CA2: variants seen among roughly 807,000 people sequenced by gnomAD.
CA2 encodes carbonate dehydratase II.
CA2 carries 23 observed loss-of-function variants against 27.8 expected under a neutral mutation model. That is an observed-to-expected ratio of 0.83 (90% CI 0.59 to 1.17). The LOEUF (loss-of-function observed/expected upper bound fraction) is 1.17, where lower values mean the gene tolerates loss of function less well. Among genes scored for constraint, CA2 ranks in the 50% most tolerant of loss-of-function variants. The pLI is 0.00. For missense variants in CA2, 300 were observed against 314.7 expected, an observed-to-expected ratio of 0.95 and a Z score of 0.35; for synonymous variants, 99 against 114.9, an observed-to-expected ratio of 0.86 and a Z score of 0.88.
At chr8:85,474,607 A>G (rs1811763245) in intron 4 of CA2, 191 bp downstream of exon 4, 3 of 619,942 alleles carry the variant, frequency 4.8e-6, no homozygotes. Context: ...AGACAATAGG[A>G]GAGGTACTTA....
chr8:85,480,987 T>C lies in CA2; in HGVS notation c.*198T>C. The C allele has an allele frequency of 1.7e-6, 1 of 596,002 alleles. No individual in the cohort carries two copies. Among genetic ancestry groups the C allele is most frequent in the Non-Finnish European group, 3.0e-6 (1 of 335,114 alleles). The allele number at this position is 596,002 out of a possible 1,614,324, so 36.9% of individuals were successfully genotyped here. A position where few individuals can be genotyped will look rare whatever the true frequency, so the allele number is the denominator to read the frequency against. ...TGCTTGACACAACTGCTGTGGCTGG[T>C]TGGTGCTTTGTTTATGGTAGTAGTT... On this transcript the variant is annotated 3_prime_UTR_variant, in exon 7 of 7. Transcript: ENST00000285379.
chr8:85,473,901 A>G (rs921273174), intron 3 of CA2, 90 bp downstream of exon 3: 1 of 833,764 alleles, frequency 1.2e-6, no homozygotes. Context: ...TGTAAATTCA[A>G]CTCACGCCCA....
intron 2 of CA2, among the ~76,000 whole-genome samples, chr8:85,466,010 CAG>C (rs1329505145): frequency 5.3e-5 from 8 of 151,774 alleles, no homozygotes; most frequent in African/African-American, 1.9e-4. Flanking sequence ...GATATCTACT[CAG>C]AAATTCATTT....
chr8:85,478,920 T>C (rs555897961), intron 6 of CA2, among the ~76,000 whole-genome samples: 24 of 152,320 alleles, frequency 1.6e-4, no homozygotes, highest in African/African-American at 5.1e-4. Flanking sequence ...ACCTCTTCCA[T>C]TGGCTTCCTA....
intron 3 of CA2, 67 bp from the exon 4 acceptor site, chr8:85,474,257 A>G: frequency 2.7e-6 from 3 of 1,109,534 alleles, no homozygotes; most frequent in South Asian, 1.2e-5. Flanking sequence ...GAAAAAGACC[A>G]TTGAATAAAA....
At position 85,480,263 on chromosome 8, in the gene CA2, T is replaced by C. The variant is rs1811867595; in HGVS notation, c.664-407T>C. Among the ~76,000 whole-genome samples the C allele has an allele frequency of 2.0e-5, 3 of 152,290 alleles. No homozygotes were observed. In the South Asian group the frequency reaches 6.2e-4, roughly 32 times the overall value. On this transcript the variant is annotated intron_variant, in intron 6 of 6. Coordinates refer to ENST00000285379, the MANE Select transcript of CA2 (RefSeq NM_000067.3). The stretch of plus-strand genomic sequence containing the variant: ...GTGGAATGTAATTTTTGTTTGTTTT[T>C]GTTTCTGTTTTTTGAGGCAGAGCCT...
Position 85,464,081 on chromosome 8 carries a change from C to T in CA2, c.-1C>T, listed in dbSNP as rs761725568. ...GCCCTGCCCCGACCGCCAGCGCGAC[C>T]ATGTCCCATCACTGGGGGTACGGCA... On this transcript the variant is annotated 5_prime_UTR_variant, in exon 1 of 7. Coordinates refer to ENST00000285379, the MANE Select transcript of CA2 (RefSeq NM_000067.3). 1 of 1,548,730 alleles carries T rather than the reference C, an allele frequency of 6.5e-7. No individual in the cohort carries two copies. The highest frequency in any genetic ancestry group is 8.7e-7 in the Non-Finnish European group (1 of 1,149,742).
rs552617760 is a variant in CA2 at position 85,475,462 on chromosome 8, T to A, written c.445-336T>A. On this transcript the variant is annotated intron_variant, in intron 4 of 6. Transcript: ENST00000285379. ...GAAAGCCAAAGAAGAAAATAATTTTTAAAAAGAAGGGAAGACCATAGTGTA... is the reference window on the plus strand; with the variant it reads ...GAAAGCCAAAGAAGAAAATAATTTTAAAAAAGAAGGGAAGACCATAGTGTA... Among the ~76,000 whole-genome samples the A allele has an allele frequency of 6.8e-4, 103 of 151,636 alleles. 1 individual carries two copies. The South Asian group carries it at 0.015, about 22-fold the overall frequency.
rs763576424 is a variant in CA2, at chr8:85,475,839, G to A, written c.486G>A (p.Val162=). 1 of 1,614,024 alleles carries A rather than the reference G, an allele frequency of 6.2e-7. No individual in the cohort carries two copies. Among genetic ancestry groups the A allele is most frequent in the South Asian group, 1.1e-5 (1 of 91,068 alleles). Residue 162 remains valine, a synonymous_variant, in exon 5 of 7, where the codon GTG becomes GTA. Coordinates refer to ENST00000285379, the MANE Select transcript of CA2 (RefSeq NM_000067.3). The part of the protein sequence containing the change: ...AKPGLQKVVD[V]LDSIKTKGKS... ...CGGGCCTTCAGAAAGTTGTTGATGT[G>A]CTGGATTCCATTAAAACAAAGGTAA... is the stretch of plus-strand genomic sequence containing the variant.
rs528687579 is a variant in CA2, at chr8:85,467,001, T to C, written c.232+1532T>C. ...AAAAGAAGTGAGCTACTTTAGTCTG[T>C]AGCTGTACTTTTTTAAAGAGCCACA... On this transcript the variant is annotated intron_variant, in intron 2 of 6. Coordinates refer to ENST00000285379, the MANE Select transcript of CA2 (RefSeq NM_000067.3). Among the ~76,000 whole-genome samples, 4 of 152,352 alleles carry C rather than the reference T, an allele frequency of 2.6e-5. No homozygotes were observed. In the South Asian group the frequency reaches 6.2e-4, roughly 24 times the overall value.
At chr8:85,477,024 C>T (rs1256370924) in intron 5 of CA2, 96 bp from the exon 6 acceptor site, 5 of 1,174,654 alleles carry the variant, frequency 4.3e-6, no homozygotes, top group Non-Finnish European at 6.4e-6. Context: ...TTTTGACCAT[C>T]AGAGGGGAGT....
intron 6 of CA2, among the ~76,000 whole-genome samples, chr8:85,478,638 CT>C (rs1355641044): frequency 6.6e-6 from 1 of 152,208 alleles, no homozygotes; most frequent in African/African-American, 2.4e-5. Flanking sequence ...TCCCTGTACC[CT>C]GAGTTTGCTC....
chr8:85,478,208 G>A (rs576637664), intron 6 of CA2, among the ~76,000 whole-genome samples: 16 of 152,306 alleles, frequency 1.1e-4, no homozygotes, highest in African/African-American at 3.8e-4. Context: ...CTGGGAGCAA[G>A]GATTCTATTC....
At chr8:85,465,012 G>A (rs1332056985) in intron 1 of CA2, 2 of 459,682 alleles carry the variant, frequency 4.4e-6, no homozygotes, top group Admixed American at 7.0e-5. Flanking sequence ...TATTTATATA[G>A]CACTCAGTGA....
At chr8:85,473,610 T>A (rs1380498756) in intron 2 of CA2, 83 bp from the exon 3 acceptor site, 2 of 731,486 alleles carry the variant, frequency 2.7e-6, no homozygotes, top group East Asian at 5.4e-5. Flanking sequence ...CATGTGTGTG[T>A]ATGTATGTGT....
intron 3 of CA2, 130 bp downstream of exon 3, chr8:85,473,941 A>G: frequency 1.4e-6 from 1 of 710,976 alleles, no homozygotes; most frequent in Non-Finnish European, 2.6e-6. Context: ...AAGGACCTTC[A>G]CATTTGCTTT....
At chr8:85,468,070 A>G (rs145978588) in intron 2 of CA2, among the ~76,000 whole-genome samples, 1 of 152,362 alleles carries the variant, frequency 6.6e-6, no homozygotes, top group African/African-American at 2.4e-5. Flanking sequence ...CCTGACTGCC[A>G]CTTTGATAAG....
At chr8:85,467,047 G>A (rs551958240) in intron 2 of CA2, among the ~76,000 whole-genome samples, 1 of 152,250 alleles carries the variant, frequency 6.6e-6, no homozygotes, top group South Asian at 2.1e-4. Flanking sequence ...TGTTTTCAAT[G>A]GATGTAATGT....
intron 2 of CA2, among the ~76,000 whole-genome samples, chr8:85,468,783 C>G (rs1441729965): frequency 2.3e-5 from 3 of 130,040 alleles, no homozygotes; most frequent in African/African-American, 1.3e-4. Flanking sequence ...AACAAAAAAC[C>G]ACACACACAC....
Sources: allele counts gnomAD v4.1 joint callset (sites outside exome capture counted in the v4.1 genomes callset), GRCh38; gene constraint gnomAD v4.1.1; transcripts MANE v1.5; gene names NCBI Gene and HGNC (gene_info 2026-07-23, HGNC 2026-07-21).